VPS13D: variants seen among roughly 807,000 people sequenced by gnomAD.
The protein encoded by VPS13D is vacuolar protein sorting 13 homolog D.
In VPS13D, 187 loss-of-function variants were observed where a neutral mutation model predicts 461.9. That is an observed-to-expected ratio of 0.40 (90% CI 0.36 to 0.46). The LOEUF is 0.46. VPS13D is among the 20% of genes least tolerant of loss of function. VPS13D has a pLI of 0.60. For missense variants in VPS13D, 4,711 were observed against 5,364.9 expected, an observed-to-expected ratio of 0.88 and a Z score of 3.81; for synonymous variants, 1,951 against 1,986.3, an observed-to-expected ratio of 0.98 and a Z score of 0.47.
chr1:12,371,270 AC>A, intron 54 of VPS13D, among the ~76,000 whole-genome samples: 1 of 152,016 alleles, frequency 6.6e-6, no homozygotes, highest in South Asian at 2.1e-4. Context: ...CTATGGGTTG[AC>A]CTATTCTGGA....
At chr1:12,383,615 A>T (rs1156629390) in intron 58 of VPS13D, among the ~76,000 whole-genome samples, 1 of 151,954 alleles carries the variant, frequency 6.6e-6, no homozygotes, top group African/African-American at 2.4e-5. Flanking sequence ...AGTAGTACTT[A>T]AACTGAGACC....
chr1:12,252,288 C>T (rs1353520094), intron 6 of VPS13D, among the ~76,000 whole-genome samples: 1 of 152,146 alleles, frequency 6.6e-6, no homozygotes, highest in East Asian at 1.9e-4. Context: ...TTTCTCAACT[C>T]TTAGCTAACT....
At position 12,282,952 on chromosome 1, in the gene VPS13D, A is replaced by G; in HGVS notation, c.4850A>G (p.Gln1617Arg). 6.2e-7 allele frequency: 1 copy of G among 1,614,202 alleles called. No homozygotes were observed. The highest frequency in any genetic ancestry group is 8.5e-7 in the Non-Finnish European group (1 of 1,180,016). Residue 1617 changes from glutamine (Q) to arginine (R), a missense_variant, in exon 21 of 70, where the codon CAG (glutamine) becomes CGG (arginine). Physicochemically the swap from Gln to Arg is conservative, Grantham distance 43 (BLOSUM62 1). This residue lies in a region of VPS13D where 4,411 missense variants were observed against 4,937.8 expected (regional missense o/e 0.89). Coordinates refer to ENST00000620676, the MANE Select transcript of VPS13D (RefSeq NM_015378.4). ...LSVKEVKSFT[Q>R]IQATFCISEL... The stretch of plus-strand genomic sequence containing the variant: ...GTGAAGGAAGTCAAATCCTTTACTC[A>G]GATTCAAGCCACCTTTTGTATATCA...
intron 17 of VPS13D, among the ~76,000 whole-genome samples, chr1:12,271,432 G>C (rs1160443768): frequency 6.6e-6 from 1 of 152,134 alleles, no homozygotes; most frequent in African/African-American, 2.4e-5. Flanking sequence ...ACTTTGGGAG[G>C]CTGAGGTGGG....
intron 67 of VPS13D, among the ~76,000 whole-genome samples, chr1:12,485,064 A>C (rs1645779657): frequency 6.6e-6 from 1 of 152,108 alleles, no homozygotes. Context: ...AGCAACTCTC[A>C]CCTCTAGTAT....
At chr1:12,251,191 G>GTGGCCCTT (rs1426414672) in intron 6 of VPS13D, among the ~76,000 whole-genome samples, 2 of 152,282 alleles carry the variant, frequency 1.3e-5, no homozygotes, top group Non-Finnish European at 2.9e-5. Context: ...TGTTGACTCT[G>GTGGCCCTT]TGGCCCTTTA....
intron 65 of VPS13D, among the ~76,000 whole-genome samples, chr1:12,452,831 A>C (rs935866679): frequency 1.3e-5 from 2 of 152,202 alleles, no homozygotes; most frequent in African/African-American, 4.8e-5. Context: ...TGGGTTCTCA[A>C]AGCTGTATTT....
chr1:12,399,516 T>G (rs923451118), intron 60 of VPS13D, among the ~76,000 whole-genome samples: 4 of 151,988 alleles, frequency 2.6e-5, no homozygotes, highest in Admixed American at 6.6e-5. Flanking sequence ...TTTTAACCAA[T>G]GAATAAAAAT....
chr1:12,302,880 T>G (rs1288210368), intron 25 of VPS13D, among the ~76,000 whole-genome samples: 1 of 151,894 alleles, frequency 6.6e-6, no homozygotes. Flanking sequence ...CTTGGTGATC[T>G]TATTTTATAT....
chr1:12,294,909 G>A (rs930551588), intron 24 of VPS13D, among the ~76,000 whole-genome samples: 6 of 151,930 alleles, frequency 3.9e-5, no homozygotes, highest in African/African-American at 1.5e-4. Flanking sequence ...TTGTAACAAC[G>A]TGTTATTTTT....
chr1:12,508,686 C>T (rs1034947832), intron 69 of VPS13D, among the ~76,000 whole-genome samples: 10 of 149,732 alleles, frequency 6.7e-5, no homozygotes, highest in Admixed American at 4.7e-4. Flanking sequence ...ACAGAGACTC[C>T]GTCTCAAAAA....
chr1:12,256,691 T>TG, intron 8 of VPS13D, among the ~76,000 whole-genome samples, 188 bp downstream of exon 8: 1 of 116,678 alleles, frequency 8.6e-6, no homozygotes, highest in Admixed American at 8.0e-5. Flanking sequence ...CTCAGGTTAG[T>TG]TTTTTTTTTT....
At chr1:12,371,009 C>A (rs1644107510) in intron 54 of VPS13D, among the ~76,000 whole-genome samples, 1 of 151,954 alleles carries the variant, frequency 6.6e-6, no homozygotes, top group Admixed American at 6.5e-5. Context: ...TATTTGCATT[C>A]TTGGAAGGAA....
chr1:12,310,513 C>T (rs982931256), intron 27 of VPS13D, among the ~76,000 whole-genome samples: 1 of 152,174 alleles, frequency 6.6e-6, no homozygotes, highest in African/African-American at 2.4e-5. Context: ...TTCAACTTTA[C>T]TTCTGTCCAT....
At chr1:12,351,283 T>A (rs1318507790) in intron 46 of VPS13D, among the ~76,000 whole-genome samples, 1 of 152,216 alleles carries the variant, frequency 6.6e-6, no homozygotes, top group African/African-American at 2.4e-5. Flanking sequence ...AATATCATTA[T>A]TAAAAATTTT....
chr1:12,329,275 G>A (rs1055937390), intron 36 of VPS13D, among the ~76,000 whole-genome samples: 19 of 151,832 alleles, frequency 1.3e-4, no homozygotes, highest in Non-Finnish European at 2.1e-4. Flanking sequence ...GTGCAGTGGC[G>A]CTATCTTGGC....
rs138893955 is a variant in VPS13D at position 12,239,417 on chromosome 1, G to A, written c.98-3096G>A. Among the ~76,000 whole-genome samples, 1,197 of 152,360 alleles carry A rather than the reference G, an allele frequency of 7.9e-3. 15 individuals are homozygous for A. The highest frequency in any genetic ancestry group is 0.027 in the African/African-American group (1,140 of 41,572). ...GCCTCCCAAAGTTCTGGGATTATAG[G>A]CGTGAGCCACTGCGCCCAGCCTTAA... On this transcript the variant is annotated intron_variant, in intron 2 of 69. Coordinates refer to ENST00000620676, the MANE Select transcript of VPS13D (RefSeq NM_015378.4).
chr1:12,311,479 A>G lies in VPS13D; in HGVS notation c.6676A>G (p.Ile2226Val). The G allele has an allele frequency of 6.2e-7, 1 of 1,613,730 alleles. No homozygotes were observed. The highest frequency in any genetic ancestry group is 8.5e-7 in the Non-Finnish European group (1 of 1,179,928). Reference sequence around the variant, plus strand: ...AGAAATAAGTCATACTGTGCCAGACATATCTATCCATGGCAATCTCTCCTC... The same window carrying G: ...AGAAATAAGTCATACTGTGCCAGACGTATCTATCCATGGCAATCTCTCCTC... ...DKEISHTVPDISIHGNLSSVH... is the reference protein window; with the variant it reads ...DKEISHTVPDVSIHGNLSSVH... Residue 2226 changes from isoleucine (I) to valine (V), a missense_variant, in exon 28 of 70, where the codon ATA (isoleucine) becomes GTA (valine). Physicochemically the swap from Ile to Val is conservative, Grantham distance 29. Around this residue, in one of 3 missense-constraint regions of VPS13D, gnomAD observed 4,411 missense variants for 4,937.8 expected, o/e 0.89. Transcript: ENST00000620676.
intron 21 of VPS13D, 80 bp from the exon 22 acceptor site, chr1:12,288,143 C>A: frequency 8.0e-7 from 1 of 1,244,846 alleles, no homozygotes; most frequent in South Asian, 1.3e-5. Flanking sequence ...TTGCATTTTC[C>A]TTGATTGCTC....
Sources: gnomAD v4.1 joint callset for allele counts (sites outside exome capture counted in the v4.1 genomes callset) on GRCh38, gnomAD v4.1.1 for gene constraint, gnomAD v4.1.1 regional missense constraint, MANE v1.5 for transcripts, NCBI Gene and HGNC (gene_info 2026-07-23, HGNC 2026-07-21) for gene names.